Variants in CYYR1 observed in about 807,000 individuals in gnomAD.
CYYR1 encodes cysteine and tyrosine-rich protein 1.
Under a neutral mutation model 15.2 loss-of-function variants are expected in CYYR1, and 14 were observed. The ratio of observed to expected loss-of-function variants is 0.92; its 90% CI spans 0.61 to 1.44. The LOEUF (loss-of-function observed/expected upper bound fraction) is 1.44. Among genes scored for constraint, CYYR1 ranks in the 40% most tolerant of loss-of-function variants. The probability of loss-of-function intolerance (pLI) is 0.00; values close to 1 mark genes in which losing one functional copy is unlikely to be tolerated. For missense variants in CYYR1, 228 were observed against 209.5 expected (o/e 1.09, Z -0.54); for synonymous variants, 80 against 77.4 (o/e 1.03, Z -0.18).
chr21:26,517,440 T>A (rs2065746833), intron 2 of CYYR1, among the ~76,000 whole-genome samples: 1 of 152,232 alleles, frequency 6.6e-6, no homozygotes, highest in Admixed American at 6.5e-5. Context: ...TAGCTATATT[T>A]AGTTTGAAAA....
chr21:26,468,043 A>G lies in CYYR1; in HGVS notation c.*458T>C, dbSNP rs576597536. On this transcript the variant is annotated 3_prime_UTR_variant, in exon 4 of 4. Coordinates refer to ENST00000652641, the MANE Select transcript of CYYR1 (RefSeq NM_001320768.2). ...CATAGTAAACTCTTAGGCACTCAAA[A>G]TACATTTATTGATGAATGAAAGAAT... 1.1e-3 allele frequency: 240 copies of G among 228,490 alleles called. No individual in the cohort carries two copies. The highest frequency in any genetic ancestry group is 5.3e-3 in the African/African-American group (229 of 42,852). 14.2% of individuals were successfully genotyped at this position (228,490 alleles called of 1,614,324 possible).
At chr21:26,547,934 G>A (rs1479077865) in intron 2 of CYYR1, among the ~76,000 whole-genome samples, 1 of 73,580 alleles carries the variant, frequency 1.4e-5, no homozygotes. Context: ...GCTAAACGGA[G>A]TACCAGCTGA....
chr21:26,524,012 G>A (rs1419905526), intron 2 of CYYR1, among the ~76,000 whole-genome samples: 3 of 152,136 alleles, frequency 2.0e-5, no homozygotes, highest in African/African-American at 7.2e-5. Context: ...CTGGCCACCA[G>A]AGATTACATA....
chr21:26,467,680 GA>G lies in CYYR1; in HGVS notation c.*820del, dbSNP rs2064984912. 6.6e-6 allele frequency: 1 copy of G among 152,064 alleles called. No homozygotes were observed. Among genetic ancestry groups the G allele is most frequent in the Non-Finnish European group, 1.5e-5 (1 of 68,010 alleles). The allele number at this position is 152,064 out of a possible 1,614,324, so 9.4% of individuals were successfully genotyped here. A position where few individuals can be genotyped will look rare whatever the true frequency, so the allele number is the denominator to read the frequency against. Reference sequence around the variant, plus strand: ...ATTCTGATCCACTATAAAGCCAGATGATTTTTAGGTGGCAGTAGCTGGCATT... The same window carrying G: ...ATTCTGATCCACTATAAAGCCAGATGTTTTTAGGTGGCAGTAGCTGGCATT... On this transcript the variant is annotated 3_prime_UTR_variant, in exon 4 of 4. Coordinates refer to ENST00000652641, the MANE Select transcript of CYYR1 (RefSeq NM_001320768.2).
At position 26,500,182 on chromosome 21, in the gene CYYR1, C is replaced by T. The variant is rs116067220; in HGVS notation, c.177-19753G>A. On this transcript the variant is annotated intron_variant, in intron 2 of 3. Transcript: ENST00000652641. Reference sequence around the variant, plus strand: ...TAATCCCATCATGGTGGGGGATCCACCCTCCTAACCTCATCTAAACCTAAT... The same window carrying T: ...TAATCCCATCATGGTGGGGGATCCATCCTCCTAACCTCATCTAAACCTAAT... Among the ~76,000 whole-genome samples the T allele has an allele frequency of 5.0e-3, 757 of 152,190 alleles. 7 individuals are homozygous for T. Among genetic ancestry groups the T allele is most frequent in the African/African-American group, 0.018 (733 of 41,522 alleles).
intron 2 of CYYR1, among the ~76,000 whole-genome samples, chr21:26,482,983 A>T (rs1601734317): frequency 6.6e-6 from 1 of 151,934 alleles, no homozygotes; most frequent in East Asian, 1.9e-4. Context: ...TACAATGTTA[A>T]TTTTTTCTTC....
At chr21:26,528,375 G>C (rs913512403) in intron 2 of CYYR1, among the ~76,000 whole-genome samples, 1 of 152,122 alleles carries the variant, frequency 6.6e-6, no homozygotes, top group East Asian at 1.9e-4. Context: ...CCTCAGGAAT[G>C]GCTTGGTGCC....
intron 2 of CYYR1, among the ~76,000 whole-genome samples, chr21:26,506,889 G>A (rs1483044058): frequency 1.3e-5 from 2 of 151,674 alleles, no homozygotes; most frequent in Non-Finnish European, 2.9e-5. Context: ...CAGGATCCTG[G>A]GTTTAAAAAG....
At chr21:26,482,336 A>G in intron 2 of CYYR1, 1 of 985,272 alleles carries the variant, frequency 1.0e-6, no homozygotes, top group Non-Finnish European at 1.2e-6. Context: ...TCCTTGCAAA[A>G]ATTCCTAGAA....
chr21:26,492,595 A>T (rs1220193553), intron 2 of CYYR1, among the ~76,000 whole-genome samples: 3 of 152,256 alleles, frequency 2.0e-5, no homozygotes, highest in Middle Eastern at 3.4e-3. Flanking sequence ...TCTCAGTTCC[A>T]TTTATCTTTC....
At chr21:26,512,985 T>C (rs1022003294) in intron 2 of CYYR1, among the ~76,000 whole-genome samples, 2 of 152,168 alleles carry the variant, frequency 1.3e-5, no homozygotes, top group Non-Finnish European at 2.9e-5. Flanking sequence ...CAGACCAGAT[T>C]CTCTCCAGCT....
intron 2 of CYYR1, among the ~76,000 whole-genome samples, chr21:26,529,894 C>T (rs893815256): frequency 6.6e-6 from 1 of 152,166 alleles, no homozygotes; most frequent in African/African-American, 2.4e-5. Flanking sequence ...AGTTTATCCT[C>T]AAAGGCTCCT....
At chr21:26,482,244 A>T in intron 2 of CYYR1, 1 of 931,284 alleles carries the variant, frequency 1.1e-6, no homozygotes, top group Non-Finnish European at 1.3e-6. Context: ...TTTACAAATT[A>T]TTATCGCATT....
intron 2 of CYYR1, among the ~76,000 whole-genome samples, chr21:26,500,083 G>T (rs2065459828): frequency 1.3e-5 from 2 of 152,052 alleles, no homozygotes; most frequent in Admixed American, 6.5e-5. Context: ...CTACTTTCTG[G>T]CCACCATCTT....
rs542572802 is a variant in CYYR1, at chr21:26,505,804, T to A, written c.177-25375A>T. On this transcript the variant is annotated intron_variant, in intron 2 of 3. Transcript: ENST00000652641. ...GGAGAAACTAGGTTAATACATATTT[T>A]AAAAAAAAAGGTTTTTAATGCTTTT... Among the ~76,000 whole-genome samples, 147 of 151,686 alleles carry A rather than the reference T, an allele frequency of 9.7e-4. 2 individuals carry two copies. Among genetic ancestry groups the A allele is most frequent in the Admixed American group, 6.6e-3 (100 of 15,244 alleles).
intron 2 of CYYR1, among the ~76,000 whole-genome samples, chr21:26,540,876 C>T (rs1418800209): frequency 1.3e-5 from 2 of 151,988 alleles, no homozygotes; most frequent in African/African-American, 4.8e-5. Flanking sequence ...TAACTATGCT[C>T]AAGGGTAGAA....
intron 2 of CYYR1, among the ~76,000 whole-genome samples, chr21:26,511,910 G>A (rs2065653085): frequency 6.6e-6 from 1 of 151,998 alleles, no homozygotes; most frequent in Non-Finnish European, 1.5e-5. Flanking sequence ...AGAAAAATAG[G>A]TGTATTCAAA....
chr21:26,546,860 C>T (rs1405309601), intron 2 of CYYR1, among the ~76,000 whole-genome samples: 1 of 152,082 alleles, frequency 6.6e-6, no homozygotes, highest in Non-Finnish European at 1.5e-5. Context: ...AATAACTTGC[C>T]CAGCTCAGGG....
intron 2 of CYYR1, among the ~76,000 whole-genome samples, chr21:26,538,687 G>C (rs1978344872): frequency 6.6e-6 from 1 of 152,072 alleles, no homozygotes; most frequent in East Asian, 1.9e-4. Context: ...CAAGAGTGTG[G>C]CTTATTAATT....
Sources: allele counts gnomAD v4.1 joint callset (sites outside exome capture counted in the v4.1 genomes callset), GRCh38; gene constraint gnomAD v4.1.1; transcripts MANE v1.5; gene names NCBI Gene and HGNC (gene_info 2026-07-23, HGNC 2026-07-21).